Variants in CRIM1 observed in about 807,000 individuals in gnomAD.
CRIM1 encodes the protein cysteine rich transmembrane BMP regulator 1.
A neutral mutation model predicts 116.4 loss-of-function variants in CRIM1; 32 were observed. The observed-to-expected ratio is 0.27, with a 90% CI of 0.21 to 0.37. The LOEUF is 0.37. CRIM1 is among the 10% of genes least tolerant of loss of function. The pLI is 1.00. For synonymous variants in CRIM1, 590 were observed against 509.2 expected (o/e 1.16, Z -2.13); for missense variants, 1,331 against 1,354.8 (o/e 0.98, Z 0.28).
intron 5 of CRIM1, among the ~76,000 whole-genome samples, chr2:36,465,851 C>G (rs181329549): frequency 6.6e-6 from 1 of 151,748 alleles, no homozygotes; most frequent in African/African-American, 2.4e-5. Flanking sequence ...GGTGAACTAC[C>G]TTGAATTTTG....
chr2:36,539,508 G>A lies in CRIM1; in HGVS notation c.2623+1962G>A, dbSNP rs541335798. 4.6e-5 allele frequency among the ~76,000 whole-genome samples: 7 copies of A among 152,340 alleles called. No homozygotes were observed. In the East Asian group the frequency reaches 1.4e-3, roughly 29 times the overall value. On this transcript the variant is annotated intron_variant, in intron 14 of 16. Coordinates refer to ENST00000280527, the MANE Select transcript of CRIM1 (RefSeq NM_016441.3). The stretch of plus-strand genomic sequence containing the variant: ...GAAGGTTTGGAGCAGGGAGCGACAG[G>A]ATCTGACTTACCTTTGAATGGGATT...
intron 2 of CRIM1, among the ~76,000 whole-genome samples, chr2:36,414,887 T>A (rs1461047133): frequency 7.2e-5 from 11 of 152,136 alleles, no homozygotes; most frequent in Admixed American, 7.2e-4. Flanking sequence ...CTAAGTATAA[T>A]AGGAATCCAT....
chr2:36,433,583 A>G (rs1572718712), intron 2 of CRIM1, among the ~76,000 whole-genome samples: 1 of 152,162 alleles, frequency 6.6e-6, no homozygotes, highest in Non-Finnish European at 1.5e-5. Context: ...GCACAATAGA[A>G]TCACCCTGGG....
rs544673951 is a variant in CRIM1 at position 36,380,205 on chromosome 2, C to G, written c.332-16409C>G. Among the ~76,000 whole-genome samples, 13 of 152,324 alleles carry G rather than the reference C, an allele frequency of 8.5e-5. No individual in the cohort carries two copies. In the South Asian group the frequency reaches 2.7e-3, roughly 32 times the overall value. On this transcript the variant is annotated intron_variant, in intron 1 of 16. Coordinates refer to ENST00000280527, the MANE Select transcript of CRIM1 (RefSeq NM_016441.3). Reference sequence around the variant, plus strand: ...TGCCAGGCCAGCTCTGCATCCTTCTCCACAAGACCAGGCTGAAGTCTGCCT... The same window carrying G: ...TGCCAGGCCAGCTCTGCATCCTTCTGCACAAGACCAGGCTGAAGTCTGCCT...
chr2:36,390,855 G>A (rs906948971), intron 1 of CRIM1, among the ~76,000 whole-genome samples: 2 of 151,850 alleles, frequency 1.3e-5, no homozygotes, highest in African/African-American at 4.8e-5. Flanking sequence ...TGTCGCCCAG[G>A]CTCAAGTGCA....
intron 1 of CRIM1, among the ~76,000 whole-genome samples, chr2:36,362,329 T>A (rs1251129593): frequency 1.3e-5 from 2 of 152,244 alleles, no homozygotes; most frequent in East Asian, 3.9e-4. Context: ...AATTTGAATT[T>A]GAACTAGGTT....
intron 1 of CRIM1, among the ~76,000 whole-genome samples, chr2:36,370,505 T>C (rs1020958365): frequency 1.3e-5 from 2 of 152,186 alleles, no homozygotes; most frequent in Non-Finnish European, 2.9e-5. Context: ...TTCTGCCAAC[T>C]GAGGGCTGGA....
intron 2 of CRIM1, among the ~76,000 whole-genome samples, chr2:36,413,015 T>A (rs969248551): frequency 5.3e-5 from 8 of 152,124 alleles, no homozygotes; most frequent in Admixed American, 3.9e-4. Context: ...CCTAGACACA[T>A]TGAGGTAGGT....
chr2:36,486,891 A>G (rs1348478847), intron 7 of CRIM1, among the ~76,000 whole-genome samples: 2 of 152,186 alleles, frequency 1.3e-5, no homozygotes, highest in Admixed American at 1.3e-4. Context: ...AGACTGTGCT[A>G]AACTTTTTTT....
At chr2:36,424,602 T>G (rs1674312361) in intron 2 of CRIM1, among the ~76,000 whole-genome samples, 1 of 152,170 alleles carries the variant, frequency 6.6e-6, no homozygotes, top group Admixed American at 6.5e-5. Flanking sequence ...CACACATCAC[T>G]CTCCTTTTAC....
intron 7 of CRIM1, among the ~76,000 whole-genome samples, chr2:36,496,423 A>G (rs1487358794): frequency 1.3e-5 from 2 of 152,164 alleles, no homozygotes; most frequent in Non-Finnish European, 2.9e-5. Context: ...AAAAATTTGA[A>G]ATGGCTGTAC....
At chr2:36,419,457 G>A (rs1399950343) in intron 2 of CRIM1, among the ~76,000 whole-genome samples, 1 of 152,138 alleles carries the variant, frequency 6.6e-6, no homozygotes, top group Non-Finnish European at 1.5e-5. Flanking sequence ...GCTTGAAATA[G>A]ACTCATTGAC....
chr2:36,518,983 A>G (rs1423904579), intron 12 of CRIM1, among the ~76,000 whole-genome samples: 1 of 152,220 alleles, frequency 6.6e-6, no homozygotes, highest in African/African-American at 2.4e-5. Flanking sequence ...CAAACAATCC[A>G]ATATTCCACG....
At chr2:36,404,896 C>T (rs1166608354) in intron 2 of CRIM1, among the ~76,000 whole-genome samples, 1 of 152,142 alleles carries the variant, frequency 6.6e-6, no homozygotes, top group Non-Finnish European at 1.5e-5. Context: ...ATGGTAATAT[C>T]ATGAGTTTTT....
intron 1 of CRIM1, among the ~76,000 whole-genome samples, chr2:36,392,798 T>A (rs1349201779): frequency 3.3e-5 from 5 of 152,070 alleles, no homozygotes; most frequent in Admixed American, 2.6e-4. Flanking sequence ...AAGTATTGAT[T>A]AGGAGCGGGC....
chr2:36,505,004 A>G (rs1416788556), intron 8 of CRIM1, among the ~76,000 whole-genome samples: 1 of 152,228 alleles, frequency 6.6e-6, no homozygotes, highest in African/African-American at 2.4e-5. Flanking sequence ...GAGAGGAAAG[A>G]GCCTTCATAT....
intron 2 of CRIM1, among the ~76,000 whole-genome samples, chr2:36,414,883 A>G (rs10184816): frequency 0.32 from 48,914 of 152,042 alleles, 8,205 homozygotes; most frequent in South Asian, 0.49. Context: ...TATTCTAAGT[A>G]TAATAGGAAT....
At chr2:36,359,424 A>G (rs1669074956) in intron 1 of CRIM1, among the ~76,000 whole-genome samples, 1 of 152,144 alleles carries the variant, frequency 6.6e-6, no homozygotes, top group South Asian at 2.1e-4. Flanking sequence ...TAGGGGAAAA[A>G]AATTACGTTT....
intron 4 of CRIM1, among the ~76,000 whole-genome samples, chr2:36,448,082 T>G (rs1676389621): frequency 6.6e-6 from 1 of 152,242 alleles, no homozygotes; most frequent in Non-Finnish European, 1.5e-5. Context: ...ACCTTCCGCT[T>G]CTTGAAGAGT....
Sources: allele counts gnomAD v4.1 joint callset (sites outside exome capture counted in the v4.1 genomes callset), GRCh38; gene constraint gnomAD v4.1.1; transcripts MANE v1.5; gene names NCBI Gene and HGNC (gene_info 2026-07-23, HGNC 2026-07-21).